The following ISM1 variants were observed in gnomAD, a reference collection of about 807,000 sequenced individuals.
The protein encoded by ISM1 is isthmin 1, also known as isthmin-1.
A neutral mutation model predicts 46.3 loss-of-function variants in ISM1; 25 were observed. The observed-to-expected ratio is 0.54, with a 90% CI of 0.39 to 0.75. The LOEUF is 0.75. Ranked by LOEUF, ISM1 falls within the 30% of genes least tolerant of loss-of-function variation. The pLI, the probability that ISM1 is intolerant of heterozygous loss-of-function variation, is 0.00. For missense variants in ISM1, 536 were observed against 625.4 expected (o/e 0.86, Z 1.52); for synonymous variants, 255 against 256.7 (o/e 0.99, Z 0.06).
the ISM1 span, among the ~76,000 whole-genome samples, chr20:13,312,743 G>A: frequency 6.6e-6 from 1 of 152,088 alleles, no homozygotes; most frequent in South Asian, 2.1e-4. Context: ...TGCTACTCTG[G>A]GAAATCATCA....
At chr20:13,254,631 C>G (rs559872688) in intron 1 of ISM1, among the ~76,000 whole-genome samples, 2 of 152,174 alleles carry the variant, frequency 1.3e-5, no homozygotes, top group Non-Finnish European at 2.9e-5. Context: ...TCTATATTCT[C>G]TCTCTGGGCA....
At chr20:13,241,446 T>C (rs1486315181) in intron 1 of ISM1, among the ~76,000 whole-genome samples, 1 of 151,446 alleles carries the variant, frequency 6.6e-6, no homozygotes, top group African/African-American at 2.4e-5. Context: ...AGAGGAGAAA[T>C]GAGGAGTGAA....
At chr20:13,256,221 C>A (rs1288222736) in intron 1 of ISM1, among the ~76,000 whole-genome samples, 3 of 151,670 alleles carry the variant, frequency 2.0e-5, no homozygotes, top group African/African-American at 4.9e-5. Flanking sequence ...CATGGTGAAA[C>A]CCCATTTTTA....
At chr20:13,259,229 C>T (rs969070008) in intron 1 of ISM1, among the ~76,000 whole-genome samples, 2 of 150,404 alleles carry the variant, frequency 1.3e-5, no homozygotes, top group South Asian at 2.1e-4. Flanking sequence ...TGCAGTGAGC[C>T]GAGATCGTAC....
rs895052753 is a variant in ISM1, at chr20:13,299,839, T to A, written c.*380T>A. 2 of 176,346 alleles carry A rather than the reference T, an allele frequency of 1.1e-5. No individual in the cohort carries two copies. The highest frequency in any genetic ancestry group is 2.4e-5 in the Non-Finnish European group (2 of 82,116). 10.9% of individuals were successfully genotyped at this position (176,346 alleles called of 1,614,324 possible). On this transcript the variant is annotated 3_prime_UTR_variant, in exon 6 of 6. Coordinates refer to ENST00000262487, the MANE Select transcript of ISM1 (RefSeq NM_080826.2). The surrounding 1 kb of genome is among the most constrained non-coding windows in gnomAD (Gnocchi z 5.8). ...GGTTGTAAACGTTATAAGCAGTTTT[T>A]ATATATAACTTATTTAATACAAATG...
At chr20:13,247,534 GTGTGT>G (rs2039812924) in intron 1 of ISM1, among the ~76,000 whole-genome samples, 1 of 151,150 alleles carries the variant, frequency 6.6e-6, no homozygotes, top group Admixed American at 6.6e-5. Flanking sequence ...GTGTGTGTGT[GTGTGT>G]GTGTGTGTGT....
intron 5 of ISM1, 45 bp from the exon 6 acceptor site, chr20:13,298,897 C>T: frequency 1.3e-6 from 2 of 1,588,714 alleles, no homozygotes; most frequent in Non-Finnish European, 1.7e-6. Context: ...CTCCTGTGGG[C>T]CGGTTGTACA....
At chr20:13,250,011 T>C (rs922798194) in intron 1 of ISM1, among the ~76,000 whole-genome samples, 1 of 152,188 alleles carries the variant, frequency 6.6e-6, no homozygotes, top group Admixed American at 6.5e-5. Flanking sequence ...TGGATTTCCA[T>C]CGATCGCTTC....
intron 1 of ISM1, among the ~76,000 whole-genome samples, chr20:13,231,308 G>A (rs1021463214): frequency 2.0e-5 from 3 of 152,206 alleles, no homozygotes; most frequent in Non-Finnish European, 4.4e-5. Context: ...AAAGAACCAG[G>A]CTACCCCATG....
intron 1 of ISM1, among the ~76,000 whole-genome samples, chr20:13,264,199 C>A (rs1310751854): frequency 6.6e-6 from 1 of 152,180 alleles, no homozygotes; most frequent in African/African-American, 2.4e-5. Flanking sequence ...CAGAAATTTG[C>A]CAGCCAGTCT....
Position 13,292,394 on chromosome 20 carries a change from A to G in ISM1, c.808A>G (p.Thr270Ala). 6.2e-7 allele frequency: 1 copy of G among 1,604,802 alleles called. No individual in the cohort carries two copies. The highest frequency in any genetic ancestry group is 8.5e-7 in the Non-Finnish European group (1 of 1,175,274). ...NCPGIEDTFR[T>A]AATEVSLLAG... Reference sequence around the variant, plus strand: ...TTTAGGAATTGAAGACACTTTTAGGACAGCTGCCACCGAAGTGAGTCTGCT... The same window carrying G: ...TTTAGGAATTGAAGACACTTTTAGGGCAGCTGCCACCGAAGTGAGTCTGCT... The change falls in exon 5 of 6, where the codon ACA becomes GCA. Residue 270 changes from threonine to alanine, a missense_variant. Physicochemically the swap from Thr to Ala is moderately conservative, Grantham distance 58. This residue lies in a region of ISM1 where 367 missense variants were observed against 376.1 expected (regional missense o/e 0.98). Coordinates refer to ENST00000262487, the MANE Select transcript of ISM1 (RefSeq NM_080826.2).
chr20:13,319,216 G>A, the ISM1 span, among the ~76,000 whole-genome samples: 1 of 151,784 alleles, frequency 6.6e-6, no homozygotes, highest in Non-Finnish European at 1.5e-5. Flanking sequence ...TGACTATTAG[G>A]TAGAAGAAAA....
intron 3 of ISM1, among the ~76,000 whole-genome samples, chr20:13,282,690 G>A (rs984909486): frequency 6.6e-6 from 1 of 152,104 alleles, no homozygotes; most frequent in African/African-American, 2.4e-5. Flanking sequence ...ACTGGACATC[G>A]GGATTGCTAC....
At chr20:13,224,214 T>C (rs952343576) in intron 1 of ISM1, among the ~76,000 whole-genome samples, 1 of 152,194 alleles carries the variant, frequency 6.6e-6, no homozygotes, top group African/African-American at 2.4e-5. Context: ...ATGATGAGTT[T>C]AGCAGTTTAG....
At chr20:13,251,273 T>C (rs2039865481) in intron 1 of ISM1, among the ~76,000 whole-genome samples, 1 of 152,212 alleles carries the variant, frequency 6.6e-6, no homozygotes, top group African/African-American at 2.4e-5. Context: ...TCCACAGGCA[T>C]TGAATTCTGG....
chr20:13,240,080 C>T (rs1384613268), intron 1 of ISM1, among the ~76,000 whole-genome samples: 1 of 152,110 alleles, frequency 6.6e-6, no homozygotes, highest in African/African-American at 2.4e-5. Context: ...TGCAGTAAGG[C>T]AAATGAAATA....
chr20:13,270,776 C>A, intron 2 of ISM1, 33 bp downstream of exon 2: 1 of 1,595,070 alleles, frequency 6.3e-7, no homozygotes, highest in African/African-American at 1.3e-5. Flanking sequence ...TGGGAGATAA[C>A]AAAACAGTCC....
rs1226583295 is a variant in ISM1 at position 13,299,083 on chromosome 20, G to A, written c.1019G>A (p.Arg340His). Residue 340 changes from arginine (R) to histidine (H), a missense_variant, in exon 6 of 6, where the codon CGC (arginine) becomes CAC (histidine). By Grantham distance (29) the Arg-to-His change is conservative. This residue lies in a region of ISM1 where 169 missense variants were observed against 249.3 expected (regional missense o/e 0.68). Coordinates refer to ENST00000262487, the MANE Select transcript of ISM1 (RefSeq NM_080826.2). This position sits in a 1 kb window ranked among gnomAD's most constrained non-coding sequence, Gnocchi z 5.8. ...TACAGCACGGCCGACATCTTCGACC[G>A]CATCAAGCGCAAGGACTTCCGCTGG... ...VAYSTADIFDRIKRKDFRWKD... is the reference protein window; with the variant it reads ...VAYSTADIFDHIKRKDFRWKD... 5 of 1,613,602 alleles carry A rather than the reference G, an allele frequency of 3.1e-6. No individual in the cohort carries two copies. The highest frequency in any genetic ancestry group is 1.1e-5 in the South Asian group (1 of 90,998).
intron 1 of ISM1, among the ~76,000 whole-genome samples, chr20:13,242,981 G>T (rs1480004671): frequency 1.3e-5 from 2 of 152,110 alleles, no homozygotes. Context: ...AGGCATTATT[G>T]TTATCCTCAT....
Sources: gnomAD v4.1 joint callset for allele counts (sites outside exome capture counted in the v4.1 genomes callset) on GRCh38, gnomAD v4.1.1 for gene constraint, gnomAD v4.1.1 regional missense constraint, Gnocchi (gnomAD v3.1) non-coding constraint, MANE v1.5 for transcripts, NCBI Gene and HGNC (gene_info 2026-07-23, HGNC 2026-07-21) for gene names.